Variants in BTNL8 observed in about 807,000 individuals in gnomAD.
The protein encoded by BTNL8 is butyrophilin like 8, also known as butyrophilin-like protein 8.
A neutral mutation model predicts 36.1 loss-of-function variants in BTNL8; 22 were observed. The observed-to-expected ratio is 0.61, with a 90% CI of 0.44 to 0.87. The LOEUF is 0.87. Among genes scored for constraint, BTNL8 ranks in the 40% least tolerant of loss-of-function variants. The pLI is 0.00. For missense variants in BTNL8, 526 were observed against 616.9 expected (o/e 0.85, Z 1.56); for synonymous variants, 203 against 235.6 (o/e 0.86, Z 1.27).
At chr5:180,924,490 G>T (rs1378021758) in intron 3 of BTNL8, among the ~76,000 whole-genome samples, 2 of 152,188 alleles carry the variant, frequency 1.3e-5, no homozygotes, top group Admixed American at 1.3e-4. Context: ...TCAGGCAACT[G>T]CAGAGCCCAA....
chr5:180,913,569 G>A (rs4700768), intron 3 of BTNL8, among the ~76,000 whole-genome samples: 68,314 of 152,076 alleles, frequency 0.45, 16,439 homozygotes, highest in African/African-American at 0.63. Flanking sequence ...GTACAAGGAC[G>A]TAAGGTTGGC....
At chr5:180,943,248 CCTCAGCCT>C (rs1458431752) in intron 3 of BTNL8, among the ~76,000 whole-genome samples, 1 of 149,852 alleles carries the variant, frequency 6.7e-6, no homozygotes, top group Admixed American at 6.7e-5. Context: ...GATTCTCCTG[CCTCAGCCT>C]CCCGAGTAGC....
chr5:180,926,939 C>T (rs1758129338), intron 3 of BTNL8, among the ~76,000 whole-genome samples: 1 of 152,212 alleles, frequency 6.6e-6, no homozygotes, highest in Non-Finnish European at 1.5e-5. Context: ...CTGAAGAGAA[C>T]AGCAGCTCTC....
chr5:180,921,397 A>G lies in BTNL8; in HGVS notation c.673+9783A>G, dbSNP rs183049561. Among the ~76,000 whole-genome samples the G allele has an allele frequency of 9.2e-4, 140 of 152,190 alleles. 1 individual carries two copies. The highest frequency in any genetic ancestry group is 3.2e-3 in the African/African-American group (134 of 41,546). ...ACATGGAGGACATTATGTTAAGTAA[A>G]ATAAGCCAGACATAAAAATGATCTC... On this transcript the variant is annotated intron_variant, in intron 3 of 7. Transcript: ENST00000340184.
intron 3 of BTNL8, among the ~76,000 whole-genome samples, chr5:180,945,369 T>C (rs1488396832): frequency 6.6e-6 from 1 of 152,142 alleles, no homozygotes; most frequent in Non-Finnish European, 1.5e-5. Context: ...TAGAAGAAAA[T>C]ATATGGGCAA....
intron 7 of BTNL8, 159 bp from the exon 8 acceptor site, chr5:180,949,745 G>A: frequency 1.1e-6 from 1 of 920,460 alleles, no homozygotes; most frequent in Non-Finnish European, 1.6e-6. Flanking sequence ...CTGCACTGGT[G>A]ATGAGAGGAC....
At chr5:180,906,104 C>G (rs377383016) in intron 1 of BTNL8, among the ~76,000 whole-genome samples, 2 of 140,874 alleles carry the variant, frequency 1.4e-5, no homozygotes, top group African/African-American at 2.9e-5. Context: ...GTTGATCTAT[C>G]TAATGTTGAC....
chr5:180,901,922 A>C (rs1756838027), intron 1 of BTNL8, among the ~76,000 whole-genome samples: 1 of 152,246 alleles, frequency 6.6e-6, no homozygotes, highest in Non-Finnish European at 1.5e-5. Context: ...ATCTTGTTTC[A>C]GTGTCACAGC....
chr5:180,932,973 G>T (rs1758470467), intron 3 of BTNL8, among the ~76,000 whole-genome samples: 1 of 145,362 alleles, frequency 6.9e-6, no homozygotes, highest in Non-Finnish European at 1.5e-5. Context: ...AAAGTGAGGG[G>T]ATGAAAAAGG....
Position 180,947,531 on chromosome 5 carries a change from AT to A in BTNL8, c.694del (p.Ser232ArgfsTer23). On this transcript the variant is annotated frameshift_variant, in exon 4 of 8. Transcript: ENST00000340184. LOFTEE classifies it high-confidence loss of function. ...QIGDTFFEPISWHLATKVLGI... is the reference protein window; with the variant it reads ...QIGDTFFEPIXWHLATKVLGI... ...TTTCAGATACCTTTTTCGAGCCTAT[AT>A]CGTGGCACCTGGCTACCAAAGTACT... The A allele has an allele frequency of 6.2e-7, 1 of 1,613,836 alleles. No individual in the cohort carries two copies. Among genetic ancestry groups the A allele is most frequent in the East Asian group, 2.2e-5 (1 of 44,886 alleles).
intron 3 of BTNL8, among the ~76,000 whole-genome samples, chr5:180,936,547 T>A (rs1417719988): frequency 6.6e-6 from 1 of 152,188 alleles, no homozygotes; most frequent in Non-Finnish European, 1.5e-5. Context: ...GTTAAAATTA[T>A]GGAAAATTAT....
chr5:180,919,100 T>C (rs1314658480), intron 3 of BTNL8, among the ~76,000 whole-genome samples: 1 of 152,224 alleles, frequency 6.6e-6, no homozygotes, highest in Non-Finnish European at 1.5e-5. Flanking sequence ...TTTCAAAATA[T>C]GTCAAAGAAA....
intron 3 of BTNL8, among the ~76,000 whole-genome samples, chr5:180,942,695 A>C (rs1759044354): frequency 6.6e-6 from 1 of 151,886 alleles, no homozygotes. Flanking sequence ...TAGAGAAAAG[A>C]GTCTCTTCAA....
At chr5:180,940,553 T>C (rs1758879594) in intron 3 of BTNL8, among the ~76,000 whole-genome samples, 1 of 150,932 alleles carries the variant, frequency 6.6e-6, no homozygotes, top group Non-Finnish European at 1.5e-5. Context: ...ATAATAAATA[T>C]CAGAGGAGAA....
intron 3 of BTNL8, among the ~76,000 whole-genome samples, chr5:180,929,070 C>T (rs181173096): frequency 6.6e-6 from 1 of 152,182 alleles, no homozygotes; most frequent in Admixed American, 6.5e-5. Flanking sequence ...CGAAACAGAA[C>T]ACTCCTCAGC....
chr5:180,950,826 A>G lies in BTNL8; in HGVS notation c.*282A>G, dbSNP rs776199091. ...AGGCTGTGGTGTAGATTAAGTAGAC[A>G]AGGAATGTGAATAATGCTTAGATCT... is the stretch of plus-strand genomic sequence containing the variant. On this transcript the variant is annotated 3_prime_UTR_variant, in exon 8 of 8. Coordinates refer to ENST00000340184, the MANE Select transcript of BTNL8 (RefSeq NM_001040462.3). The G allele has an allele frequency of 1.2e-4, 49 of 424,172 alleles. 10 individuals carry two copies. Among genetic ancestry groups the G allele is most frequent in the Non-Finnish European group, 2.0e-4 (45 of 224,312 alleles). 26.3% of individuals were successfully genotyped at this position (424,172 alleles called of 1,614,324 possible).
At chr5:180,903,989 G>C (rs1285575921) in intron 1 of BTNL8, among the ~76,000 whole-genome samples, 17 of 122,146 alleles carry the variant, frequency 1.4e-4, no homozygotes, top group African/African-American at 6.6e-4. Flanking sequence ...TTTGGCTTAG[G>C]ATTGACTTGG....
chr5:180,899,441 G>C, intron 1 of BTNL8, 82 bp downstream of exon 1: 1 of 1,469,744 alleles, frequency 6.8e-7, no homozygotes, highest in Non-Finnish European at 9.5e-7. Flanking sequence ...ATGGAATGAA[G>C]GCATCTTTGT....
intron 3 of BTNL8, among the ~76,000 whole-genome samples, chr5:180,934,260 CT>C (rs2113837754): frequency 1.3e-5 from 2 of 152,306 alleles, no homozygotes; most frequent in East Asian, 1.9e-4. Flanking sequence ...TTAAAAATCT[CT>C]GAACATATTA....
Sources: allele counts gnomAD v4.1 joint callset (sites outside exome capture counted in the v4.1 genomes callset), GRCh38; gene constraint gnomAD v4.1.1; transcripts MANE v1.5; gene names NCBI Gene and HGNC (gene_info 2026-07-23, HGNC 2026-07-21).